Variants in L3MBTL4 observed in about 807,000 individuals in gnomAD.
L3MBTL4 encodes L3MBTL histone methyl-lysine binding protein 4, also known as lethal(3)malignant brain tumor-like protein 4.
Under a neutral mutation model 84.5 loss-of-function variants are expected in L3MBTL4, and 70 were observed. That is an observed-to-expected ratio of 0.83 (90% CI 0.68 to 1.01). L3MBTL4 has a LOEUF of 1.01. L3MBTL4 is among the 50% of genes least tolerant of loss of function. The pLI is 0.00. For synonymous variants in L3MBTL4, 274 were observed against 259.8 expected (o/e 1.05, Z -0.52); for missense variants, 715 against 754.8 (o/e 0.95, Z 0.62).
chr18:6,175,663 T>C (rs1456318781), intron 12 of L3MBTL4, among the ~76,000 whole-genome samples: 1 of 152,178 alleles, frequency 6.6e-6, no homozygotes, highest in Non-Finnish European at 1.5e-5. Context: ...TTCAGTAAAC[T>C]AGAAATAGAA....
At chr18:6,354,861 G>A (rs2143850474) in intron 1 of L3MBTL4, among the ~76,000 whole-genome samples, 1 of 152,210 alleles carries the variant, frequency 6.6e-6, no homozygotes, top group South Asian at 2.1e-4. Flanking sequence ...CCACTATGGA[G>A]AACAGTTTGG....
intron 12 of L3MBTL4, among the ~76,000 whole-genome samples, chr18:6,185,936 A>G (rs1407949634): frequency 6.7e-6 from 1 of 148,970 alleles, no homozygotes; most frequent in Non-Finnish European, 1.5e-5. Flanking sequence ...AGGTGGCAGA[A>G]GTGAAAACCA....
At chr18:6,266,425 TA>T (rs2048635841) in intron 4 of L3MBTL4, among the ~76,000 whole-genome samples, 1 of 152,238 alleles carries the variant, frequency 6.6e-6, no homozygotes, top group African/African-American at 2.4e-5. Flanking sequence ...GTCCTAATTT[TA>T]GCATCTATCT....
chr18:5,988,246 T>A (rs2053547482), intron 16 of L3MBTL4, among the ~76,000 whole-genome samples: 2 of 152,226 alleles, frequency 1.3e-5, no homozygotes, highest in South Asian at 4.1e-4. Context: ...AATACTTCTA[T>A]GTCATACACA....
intron 1 of L3MBTL4, among the ~76,000 whole-genome samples, chr18:6,390,884 C>CATTCAAA (rs2055020051): frequency 2.0e-5 from 3 of 152,172 alleles, no homozygotes; most frequent in African/African-American, 7.2e-5. Flanking sequence ...GTATTCACAG[C>CATTCAAA]TGAATTCTAC....
rs755154118 is a variant in L3MBTL4 at position 6,412,234 on chromosome 18, A to C, written c.-91+2567T>G. On this transcript the variant is annotated intron_variant, in intron 1 of 18. Coordinates refer to ENST00000317931, the MANE Select transcript of L3MBTL4 (RefSeq NM_001330559.2). ...TTCCCACTTGTAAGTGAGAACGTGC[A>C]GTCTTTGGTTTTCTCAATCCAGTGT... Among the ~76,000 whole-genome samples the C allele has an allele frequency of 3.8e-4, 58 of 152,212 alleles. 1 individual carries two copies. The highest frequency in any genetic ancestry group is 6.8e-3 in the Middle Eastern group (2 of 294).
chr18:6,353,553 C>T (rs115007951), intron 1 of L3MBTL4, among the ~76,000 whole-genome samples: 1,795 of 152,044 alleles, frequency 0.012, 44 homozygotes, highest in African/African-American at 0.042. Flanking sequence ...CCTAAAGACT[C>T]CACAAAAAAA....
intron 12 of L3MBTL4, among the ~76,000 whole-genome samples, chr18:6,202,895 T>C (rs1599132414): frequency 6.6e-6 from 1 of 152,180 alleles, no homozygotes; most frequent in Non-Finnish European, 1.5e-5. Flanking sequence ...CAGCAGTAGA[T>C]ACAATTTTTA....
intron 17 of L3MBTL4, among the ~76,000 whole-genome samples, chr18:5,962,957 T>C (rs1015925894): frequency 1.3e-5 from 2 of 152,230 alleles, no homozygotes; most frequent in Non-Finnish European, 2.9e-5. Flanking sequence ...TTCTGAGTTG[T>C]AACAACCAAA....
intron 16 of L3MBTL4, among the ~76,000 whole-genome samples, chr18:6,027,083 C>T (rs1300981595): frequency 6.6e-6 from 1 of 152,106 alleles, no homozygotes; most frequent in Non-Finnish European, 1.5e-5. Flanking sequence ...GGTTTTTACA[C>T]AGGTATACAT....
At chr18:6,024,033 T>C (rs1362365969) in intron 16 of L3MBTL4, among the ~76,000 whole-genome samples, 1 of 152,140 alleles carries the variant, frequency 6.6e-6, no homozygotes, top group Non-Finnish European at 1.5e-5. Flanking sequence ...AAAATAAAGA[T>C]ACCCAGCTAA....
At chr18:6,224,876 A>G (rs576750056) in intron 10 of L3MBTL4, among the ~76,000 whole-genome samples, 67 of 152,286 alleles carry the variant, frequency 4.4e-4, no homozygotes, top group African/African-American at 1.5e-3. Flanking sequence ...AAGATGAACT[A>G]GATATTTGAG....
intron 10 of L3MBTL4, among the ~76,000 whole-genome samples, chr18:6,216,962 T>C (rs2046352851): frequency 6.6e-6 from 1 of 152,216 alleles, no homozygotes; most frequent in African/African-American, 2.4e-5. Context: ...AGAGTATATA[T>C]GTATTTTAAA....
intron 16 of L3MBTL4, among the ~76,000 whole-genome samples, chr18:5,972,948 A>G (rs1053183537): frequency 1.3e-5 from 1 of 78,412 alleles, no homozygotes; most frequent in East Asian, 4.2e-4. Context: ...AGAATAGAAT[A>G]GAATAGAATA....
At chr18:5,958,165 A>T (rs565888603) in intron 18 of L3MBTL4, among the ~76,000 whole-genome samples, 10 of 126,560 alleles carry the variant, frequency 7.9e-5, no homozygotes, top group Non-Finnish European at 1.3e-4. Context: ...AAGAACAAGA[A>T]GAAGAAGAAG....
At chr18:5,989,283 C>T (rs893166057) in intron 16 of L3MBTL4, among the ~76,000 whole-genome samples, 1 of 152,062 alleles carries the variant, frequency 6.6e-6, no homozygotes, top group Non-Finnish European at 1.5e-5. Context: ...TGTATGTGAC[C>T]AAACATGGCC....
chr18:6,114,245 T>C (rs920568627), intron 14 of L3MBTL4, among the ~76,000 whole-genome samples: 2 of 152,176 alleles, frequency 1.3e-5, no homozygotes, highest in African/African-American at 2.4e-5. Flanking sequence ...GCCTCCCCTC[T>C]GCTAATAAAC....
intron 4 of L3MBTL4, among the ~76,000 whole-genome samples, chr18:6,265,141 G>T (rs1219047971): frequency 6.6e-6 from 1 of 152,198 alleles, no homozygotes. Context: ...TTTGGTAAAT[G>T]TGTAATAGAT....
At chr18:6,127,034 T>A (rs2059717976) in intron 14 of L3MBTL4, among the ~76,000 whole-genome samples, 1 of 152,172 alleles carries the variant, frequency 6.6e-6, no homozygotes, top group African/African-American at 2.4e-5. Flanking sequence ...TAACTGAAGG[T>A]GACACCAAAT....
Sources: allele counts gnomAD v4.1 joint callset (sites outside exome capture counted in the v4.1 genomes callset), GRCh38; gene constraint gnomAD v4.1.1; transcripts MANE v1.5; gene names NCBI Gene and HGNC (gene_info 2026-07-23, HGNC 2026-07-21).